SLC9C1: variants seen among roughly 807,000 people sequenced by gnomAD.
The protein encoded by SLC9C1 is sodium/hydrogen exchanger 10.
SLC9C1 carries 97 observed loss-of-function variants against 140.9 expected under a neutral mutation model. That is an observed-to-expected ratio of 0.69 (90% confidence interval 0.58 to 0.82). SLC9C1 has a LOEUF of 0.82. Among genes scored for constraint, SLC9C1 ranks in the 40% least tolerant of loss-of-function variants. The probability of loss-of-function intolerance (pLI) is 0.00; values close to 1 mark genes in which losing one functional copy is unlikely to be tolerated. For missense variants in SLC9C1, 1,340 were observed against 1,389.3 expected (o/e 0.96, Z 0.56); for synonymous variants, 440 against 442.6 (o/e 0.99, Z 0.07).
intron 10 of SLC9C1, among the ~76,000 whole-genome samples, chr3:112,247,799 G>A (rs1245227814): frequency 6.6e-6 from 1 of 152,004 alleles, no homozygotes; most frequent in African/African-American, 2.4e-5. Context: ...GAGTATGTTA[G>A]CAAACATGGC....
rs1220878994 is a variant in SLC9C1, at chr3:112,167,337, A to G, written c.3248T>C (p.Ile1083Thr). ...IPITCHQIQS[I>T]EDFTKVVIIQ... ...AATCACTACTTTTGTGAAATCTTCA[A>G]TACTTTGTATCTGAAAGTTGACAGA... Residue 1083 changes from isoleucine to threonine, a missense_variant, in exon 26 of 29, where the codon ATT becomes ACT. Coordinates refer to ENST00000305815, the MANE Select transcript of SLC9C1 (RefSeq NM_183061.3). 3 of 1,593,014 alleles carry G rather than the reference A, an allele frequency of 1.9e-6. No homozygotes were observed. Among genetic ancestry groups the G allele is most frequent in the Non-Finnish European group, 2.6e-6 (3 of 1,171,898 alleles).
intron 10 of SLC9C1, among the ~76,000 whole-genome samples, chr3:112,262,051 G>A (rs1448535587): frequency 6.6e-6 from 1 of 152,052 alleles, no homozygotes; most frequent in African/African-American, 2.4e-5. Flanking sequence ...GTTTTGGAGT[G>A]AGGAAACTGA....
At chr3:112,275,510 G>A (rs1197560680) in intron 5 of SLC9C1, among the ~76,000 whole-genome samples, 1 of 152,134 alleles carries the variant, frequency 6.6e-6, no homozygotes, top group Admixed American at 6.6e-5. Flanking sequence ...TGAATGGAGA[G>A]TTCCTGATAC....
intron 1 of SLC9C1, among the ~76,000 whole-genome samples, chr3:112,288,306 A>G (rs1423369693): frequency 2.0e-5 from 3 of 152,172 alleles, no homozygotes; most frequent in Non-Finnish European, 4.4e-5. Flanking sequence ...ACCCAAAATC[A>G]TATCATCTAG....
chr3:112,213,928 C>T (rs1308504305), intron 15 of SLC9C1, among the ~76,000 whole-genome samples: 2 of 152,224 alleles, frequency 1.3e-5, no homozygotes, highest in Non-Finnish European at 2.9e-5. Context: ...CCACATCACA[C>T]TTATTCCAAA....
At chr3:112,197,637 T>C (rs1445258904) in intron 20 of SLC9C1, among the ~76,000 whole-genome samples, 2 of 152,138 alleles carry the variant, frequency 1.3e-5, no homozygotes, top group South Asian at 2.1e-4. Context: ...ATTTCCAAAA[T>C]AGTTACATCA....
chr3:112,287,774 A>T (rs1162448881), intron 1 of SLC9C1, among the ~76,000 whole-genome samples: 1 of 152,190 alleles, frequency 6.6e-6, no homozygotes, highest in African/African-American at 2.4e-5. Flanking sequence ...CTGGCCGGGC[A>T]CGGTGGCTCA....
rs2077926834 is a variant in SLC9C1, at chr3:112,202,329, A to G, written c.2243T>C (p.Ile748Thr). Residue 748 changes from isoleucine (I) to threonine (T), a missense_variant, in exon 18 of 29, where the codon ATA becomes ACA. Transcript: ENST00000305815. The part of the protein sequence containing the change: ...MSHQKTFWYG[I>T]LKGYVQGEAD... Reference sequence around the variant, plus strand: ...TTCGCCTTGGACATAGCCTTTTAGTATTCCATACCAAAAGGTCTTCTGATG... The same window carrying G: ...TTCGCCTTGGACATAGCCTTTTAGTGTTCCATACCAAAAGGTCTTCTGATG... 3 of 1,611,014 alleles carry G rather than the reference A, an allele frequency of 1.9e-6. No individual in the cohort carries two copies. The highest frequency in any genetic ancestry group is 3.4e-4 in the Middle Eastern group (2 of 5,862).
At chr3:112,164,881 C>G (rs200249109) in intron 26 of SLC9C1, among the ~76,000 whole-genome samples, 2 of 152,144 alleles carry the variant, frequency 1.3e-5, no homozygotes, top group African/African-American at 4.8e-5. Flanking sequence ...CAGCTTGGTT[C>G]CATTCTCCCC....
intron 26 of SLC9C1, among the ~76,000 whole-genome samples, chr3:112,162,095 G>A (rs1369322012): frequency 6.6e-6 from 1 of 152,118 alleles, no homozygotes; most frequent in Non-Finnish European, 1.5e-5. Flanking sequence ...GTATAAGAAT[G>A]CTTGTGATTT....
At chr3:112,292,211 A>G (rs948940392) in intron 1 of SLC9C1, among the ~76,000 whole-genome samples, 6 of 152,202 alleles carry the variant, frequency 3.9e-5, no homozygotes, top group African/African-American at 1.4e-4. Flanking sequence ...ACAAATCTCC[A>G]TGACATGAAT....
Position 112,169,259 on chromosome 3 carries a change from T to G in SLC9C1, c.2989A>C (p.Met997Leu). ...ATAGCGAGTCCAAGTTTTAGCCACA[T>G]TTTTTGTTTAATGAGAGGAGAGCAT... ...EQCSPLIKQKMWLKLGLAITA... is the reference protein window; with the variant it reads ...EQCSPLIKQKLWLKLGLAITA... Residue 997 changes from methionine to leucine, a missense_variant, in exon 24 of 29, where the codon ATG becomes CTG. Physicochemically the swap from Met to Leu is conservative, Grantham distance 15 (BLOSUM62 2). Transcript: ENST00000305815. 6.2e-7 allele frequency: 1 copy of G among 1,613,584 alleles called. No homozygotes were observed. Among genetic ancestry groups the G allele is most frequent in the Middle Eastern group, 1.7e-4 (1 of 6,052 alleles).
intron 16 of SLC9C1, among the ~76,000 whole-genome samples, 160 bp downstream of exon 16, chr3:112,208,018 T>G (rs775885212): frequency 5.9e-5 from 9 of 152,172 alleles, no homozygotes; most frequent in Non-Finnish European, 1.0e-4. Flanking sequence ...TCTATTGAGT[T>G]ACTATAAAAA....
At chr3:112,252,626 G>T (rs1351060595) in intron 10 of SLC9C1, among the ~76,000 whole-genome samples, 1 of 152,110 alleles carries the variant, frequency 6.6e-6, no homozygotes, top group East Asian at 1.9e-4. Flanking sequence ...GGTGTTTTCT[G>T]GTCAGCAGCA....
chr3:112,259,193 G>T (rs772039255), intron 10 of SLC9C1, among the ~76,000 whole-genome samples: 2 of 152,080 alleles, frequency 1.3e-5, no homozygotes, highest in Non-Finnish European at 2.9e-5. Flanking sequence ...ACTAACGCAG[G>T]AACAGAAAAC....
rs200055695 is a variant in SLC9C1 at position 112,208,238 on chromosome 3, G to A, written c.1926C>T (p.Ser642=). The change falls in exon 16 of 29, where the codon AGC becomes AGT. Residue 642 remains serine, a synonymous_variant. Transcript: ENST00000305815. ...WISQLNVIYH[S]ELKHTNYCFL... ...AACAGTAGTTAGTGTGTTTTAATTC[G>A]CTGTGGTAGATTACATTTAACTGGG... The A allele has an allele frequency of 2.9e-5, 47 of 1,611,254 alleles. No individual in the cohort carries two copies. Among genetic ancestry groups the A allele is most frequent in the African/African-American group, 1.9e-4 (14 of 74,844 alleles).
rs987519332 is a variant in SLC9C1 at position 112,210,456 on chromosome 3, A to T, written c.1791-2083T>A. On this transcript the variant is annotated intron_variant, in intron 15 of 28. Transcript: ENST00000305815. Reference sequence around the variant, plus strand: ...GCGAGAAACACAAGGCTACATAGTGATGATTTCATTTATGTGAAACATTTG... The same window carrying T: ...GCGAGAAACACAAGGCTACATAGTGTTGATTTCATTTATGTGAAACATTTG... 5.3e-5 allele frequency among the ~76,000 whole-genome samples: 8 copies of T among 152,244 alleles called. No individual in the cohort carries two copies. The East Asian group carries it at 1.5e-3, about 29-fold the overall frequency.
intron 25 of SLC9C1, 85 bp from the exon 26 acceptor site, chr3:112,167,432 T>C: frequency 7.5e-7 from 1 of 1,341,880 alleles, no homozygotes; most frequent in Non-Finnish European, 9.9e-7. Flanking sequence ...TTTCTGGCTT[T>C]CTCTAGGTAT....
chr3:112,147,397 G>T, intron 28 of SLC9C1: 1 of 264,558 alleles, frequency 3.8e-6, no homozygotes, highest in South Asian at 3.3e-5. Context: ...GTATGTACAT[G>T]GGTGAGTTTT....
Sources: gnomAD v4.1 joint callset for allele counts (sites outside exome capture counted in the v4.1 genomes callset) on GRCh38, gnomAD v4.1.1 for gene constraint, MANE v1.5 for transcripts, NCBI Gene and HGNC (gene_info 2026-07-23, HGNC 2026-07-21) for gene names.